The following MARCHF3 variants were observed in gnomAD, a reference collection of about 807,000 sequenced individuals.
The protein encoded by MARCHF3 is E3 ubiquitin-protein ligase MARCHF3.
MARCHF3 carries 13 observed loss-of-function variants against 24.2 expected under a neutral mutation model. The observed-to-expected ratio is 0.54, with a 90% CI of 0.35 to 0.85. The LOEUF (loss-of-function observed/expected upper bound fraction) is 0.85. Among genes scored for constraint, MARCHF3 ranks in the 40% least tolerant of loss-of-function variants. MARCHF3 has a pLI of 0.01. For synonymous variants in MARCHF3, 144 were observed against 137.3 expected (o/e 1.05, Z -0.34); for missense variants, 276 against 325.0 (o/e 0.85, Z 1.16).
intron 3 of MARCHF3, among the ~76,000 whole-genome samples, chr5:126,894,160 C>G (rs1373208210): frequency 7.6e-6 from 1 of 132,396 alleles, no homozygotes. Flanking sequence ...TTCCTCCATC[C>G]TTTTATTTTG....
rs1753146525 is a variant in MARCHF3, at chr5:127,030,400, G to C, written c.-107C>G. ...ACCGACGTCCCTGCTGCGGTTCTAA[G>C]TGCCAAGTTGCCCCCAGTCGGTGGC... On this transcript the variant is annotated 5_prime_UTR_variant, in exon 1 of 5. Transcript: ENST00000308660. 1 of 152,378 alleles carries C rather than the reference G, an allele frequency of 6.6e-6. No homozygotes were observed. Among genetic ancestry groups the C allele is most frequent in the Non-Finnish European group, 1.5e-5 (1 of 68,160 alleles). The allele number at this position is 152,378 out of a possible 1,614,324, so 9.4% of individuals were successfully genotyped here.
intron 1 of MARCHF3, among the ~76,000 whole-genome samples, chr5:126,957,190 A>T (rs1205232702): frequency 6.6e-6 from 1 of 152,130 alleles, no homozygotes. Flanking sequence ...TTATTTGTCT[A>T]TTCATGTCTT....
chr5:127,020,722 G>C (rs1468191959), intron 1 of MARCHF3, among the ~76,000 whole-genome samples: 1 of 151,994 alleles, frequency 6.6e-6, no homozygotes, highest in Non-Finnish European at 1.5e-5. Context: ...ATGGTAGCGC[G>C]CATTTGTGAT....
intron 3 of MARCHF3, among the ~76,000 whole-genome samples, chr5:126,890,106 A>C (rs1753632397): frequency 6.6e-6 from 1 of 152,204 alleles, no homozygotes; most frequent in Middle Eastern, 3.2e-3. Flanking sequence ...TGGGGCCCAG[A>C]ATATCAGATT....
chr5:126,980,394 T>TG (rs1751355482), intron 1 of MARCHF3, among the ~76,000 whole-genome samples: 1 of 151,482 alleles, frequency 6.6e-6, no homozygotes, highest in Admixed American at 6.6e-5. Flanking sequence ...TTTTTTGAGA[T>TG]GGAGTCTCAC....
intron 1 of MARCHF3, among the ~76,000 whole-genome samples, chr5:126,937,324 G>C (rs1221122120): frequency 6.6e-6 from 1 of 152,084 alleles, no homozygotes; most frequent in African/African-American, 2.4e-5. Flanking sequence ...ATTAACATCT[G>C]GTTACCTTTT....
intron 1 of MARCHF3, among the ~76,000 whole-genome samples, chr5:126,984,945 G>A (rs1751513189): frequency 6.6e-6 from 1 of 152,204 alleles, no homozygotes; most frequent in Non-Finnish European, 1.5e-5. Flanking sequence ...GTGGAAAGGT[G>A]GGAGCTGGGA....
At chr5:126,884,661 A>G (rs1280794293) in intron 3 of MARCHF3, among the ~76,000 whole-genome samples, 1 of 152,166 alleles carries the variant, frequency 6.6e-6, no homozygotes, top group East Asian at 1.9e-4. Context: ...CTCCTGGGCT[A>G]AGGGACTTGC....
At chr5:126,909,062 CT>C (rs1281592105) in intron 3 of MARCHF3, among the ~76,000 whole-genome samples, 20 of 152,148 alleles carry the variant, frequency 1.3e-4, no homozygotes, top group Non-Finnish European at 2.6e-4. Context: ...AGCTGCAGGT[CT>C]GTTGGAGTAC....
intron 1 of MARCHF3, among the ~76,000 whole-genome samples, chr5:126,970,857 A>C (rs1401927850): frequency 6.6e-6 from 1 of 152,214 alleles, no homozygotes; most frequent in South Asian, 2.1e-4. Flanking sequence ...ACAAATGGGA[A>C]GCTGTGTTCC....
At chr5:126,939,468 G>A (rs1408840383) in intron 1 of MARCHF3, among the ~76,000 whole-genome samples, 1 of 152,142 alleles carries the variant, frequency 6.6e-6, no homozygotes, top group African/African-American at 2.4e-5. Flanking sequence ...TGGGTGATCA[G>A]CCTTCACTAT....
chr5:126,936,534 C>G (rs957772308), intron 1 of MARCHF3, among the ~76,000 whole-genome samples: 1 of 152,086 alleles, frequency 6.6e-6, no homozygotes, highest in Non-Finnish European at 1.5e-5. Context: ...AAGTATAATT[C>G]AGAGAGAGAA....
At chr5:126,946,787 T>TGTGTGTGTGTGTGC (rs1750031952) in intron 1 of MARCHF3, among the ~76,000 whole-genome samples, 1 of 151,304 alleles carries the variant, frequency 6.6e-6, no homozygotes, top group African/African-American at 2.4e-5. Context: ...TGTGTGTGTG[T>TGTGTGTGTGTGTGC]GTGTGTGTGT....
chr5:126,928,772 T>G (rs1022400498), intron 1 of MARCHF3, among the ~76,000 whole-genome samples: 5 of 152,340 alleles, frequency 3.3e-5, no homozygotes, highest in Admixed American at 6.5e-5. Flanking sequence ...TATATGCCAA[T>G]CTAAAAATTA....
intron 3 of MARCHF3, among the ~76,000 whole-genome samples, chr5:126,909,624 A>C (rs1754443374): frequency 6.6e-6 from 1 of 152,134 alleles, no homozygotes; most frequent in Non-Finnish European, 1.5e-5. Context: ...TAGGAAAGGG[A>C]ACTCCCTGAC....
At chr5:126,986,750 C>T (rs1042665414) in intron 1 of MARCHF3, among the ~76,000 whole-genome samples, 1 of 152,054 alleles carries the variant, frequency 6.6e-6, no homozygotes, top group African/African-American at 2.4e-5. Context: ...GTTGACATGC[C>T]AGTGTTTGGG....
chr5:127,008,470 G>A (rs190439724), intron 1 of MARCHF3, among the ~76,000 whole-genome samples: 3 of 152,286 alleles, frequency 2.0e-5, no homozygotes, highest in Admixed American at 1.3e-4. Context: ...ACTGGGTAAC[G>A]TCAATAAGTC....
chr5:126,909,124 G>T lies in MARCHF3; in HGVS notation c.393+5806C>A, dbSNP rs191213000. On this transcript the variant is annotated intron_variant, in intron 3 of 4. Coordinates refer to ENST00000308660, the MANE Select transcript of MARCHF3 (RefSeq NM_178450.5). ...CCCTGCTGGGGGTGCCTCCCAGTTA[G>T]GCTGCTCGGGGGTCAGGGGTCAGGG... 9.4e-3 allele frequency among the ~76,000 whole-genome samples: 1,427 copies of T among 152,326 alleles called. 30 individuals are homozygous for T. Among genetic ancestry groups the T allele is most frequent in the Non-Finnish European group, 9.2e-3 (628 of 68,036 alleles).
chr5:126,915,919 G>A (rs1355065008), intron 2 of MARCHF3, among the ~76,000 whole-genome samples: 1 of 152,170 alleles, frequency 6.6e-6, no homozygotes, highest in Non-Finnish European at 1.5e-5. Flanking sequence ...ATAACTCTGG[G>A]CAAGTAACTT....
Sources: allele counts gnomAD v4.1 joint callset (sites outside exome capture counted in the v4.1 genomes callset), GRCh38; gene constraint gnomAD v4.1.1; transcripts MANE v1.5; gene names NCBI Gene and HGNC (gene_info 2026-07-23, HGNC 2026-07-21).